The following RAB11FIP2 variants were observed in gnomAD, a reference collection of about 807,000 sequenced individuals.
RAB11FIP2 encodes RAB11 family interacting protein 2, also known as rab11 family-interacting protein 2.
In RAB11FIP2, 16 loss-of-function variants were observed where a neutral mutation model predicts 40.9. That is an observed-to-expected ratio of 0.39 (90% CI 0.26 to 0.59). RAB11FIP2 has a LOEUF of 0.59. Ranked by LOEUF, RAB11FIP2 falls within the 20% of genes least tolerant of loss-of-function variation. The pLI, the probability that RAB11FIP2 is intolerant of heterozygous loss-of-function variation, is 0.53. For missense variants in RAB11FIP2, 532 were observed against 606.2 expected, an observed-to-expected ratio of 0.88 and a Z score of 1.28; for synonymous variants, 228 against 213.7, an observed-to-expected ratio of 1.07 and a Z score of -0.58.
Position 118,020,527 on chromosome 10 carries a change from G to A in RAB11FIP2, c.1266-5417C>T, listed in dbSNP as rs143779562. On this transcript the variant is annotated intron_variant, in intron 3 of 4. Coordinates refer to ENST00000355624, the MANE Select transcript of RAB11FIP2 (RefSeq NM_014904.3). The stretch of plus-strand genomic sequence containing the variant: ...CACTGGCTTATTATGTTCTGCCACC[G>A]GGAGGCACCTCCAAGAGGATGGAGC... Among the ~76,000 whole-genome samples, 5 of 152,232 alleles carry A rather than the reference G, an allele frequency of 3.3e-5. No individual in the cohort carries two copies. The East Asian group carries it at 5.8e-4, about 18-fold the overall frequency.
intron 3 of RAB11FIP2, among the ~76,000 whole-genome samples, chr10:118,018,785 A>G (rs756236910): frequency 8.5e-5 from 13 of 152,204 alleles, no homozygotes; most frequent in Non-Finnish European, 1.5e-5. Flanking sequence ...ACTGTCCTTT[A>G]ATTTGTGCTA....
rs1846116870 is a variant in RAB11FIP2, at chr10:118,008,259, C to G, written c.*739G>C. The G allele has an allele frequency of 6.6e-6, 1 of 152,072 alleles. No homozygotes were observed. Among genetic ancestry groups the G allele is most frequent in the Non-Finnish European group, 1.5e-5 (1 of 67,978 alleles). 9.4% of individuals were successfully genotyped at this position (152,072 alleles called of 1,614,324 possible). On this transcript the variant is annotated 3_prime_UTR_variant, in exon 5 of 5. Coordinates refer to ENST00000355624, the MANE Select transcript of RAB11FIP2 (RefSeq NM_014904.3). ...CATCACTTTTGGGGAAAGAGAAAAA[C>G]TTTGATGCTAGAATAATATATAGCA... is the stretch of plus-strand genomic sequence containing the variant.
intron 3 of RAB11FIP2, among the ~76,000 whole-genome samples, chr10:118,035,464 CTTCACAGCCCACGCAAGCAGGGCTGGAA>C (rs1427069618): frequency 3.3e-5 from 5 of 152,046 alleles, no homozygotes; most frequent in Non-Finnish European, 7.4e-5. Context: ...TTAGAAAGAT[CTTCACAGCCCACGCAAGCAGGGCTGGAA>C]GTAGGAGGCT....
At chr10:118,012,927 G>A (rs925911813) in intron 4 of RAB11FIP2, among the ~76,000 whole-genome samples, 2 of 151,998 alleles carry the variant, frequency 1.3e-5, no homozygotes, top group Non-Finnish European at 2.9e-5. Context: ...TCCATATGCA[G>A]ACATAGAAGA....
chr10:118,036,761 A>G (rs1846485874), intron 3 of RAB11FIP2, among the ~76,000 whole-genome samples: 1 of 151,214 alleles, frequency 6.6e-6, no homozygotes, highest in Admixed American at 6.6e-5. Flanking sequence ...AAAAACAACT[A>G]TTTTTTTTTA....
chr10:118,035,465 T>C (rs184255729), intron 3 of RAB11FIP2, among the ~76,000 whole-genome samples: 119 of 152,252 alleles, frequency 7.8e-4, no homozygotes, highest in Non-Finnish European at 1.5e-3. Flanking sequence ...TAGAAAGATC[T>C]TCACAGCCCA....
At chr10:118,010,585 C>A (rs187044198) in intron 4 of RAB11FIP2, among the ~76,000 whole-genome samples, 2 of 152,190 alleles carry the variant, frequency 1.3e-5, no homozygotes, top group East Asian at 3.9e-4. Context: ...CAGGACTTTA[C>A]CAGACCAGAG....
intron 4 of RAB11FIP2, 102 bp downstream of exon 4, chr10:118,014,963 G>T: frequency 1.0e-6 from 1 of 952,614 alleles, no homozygotes; most frequent in Non-Finnish European, 1.6e-6. Context: ...TCTTAGGTAA[G>T]TGAGGCAGAA....
chr10:118,012,663 T>C (rs1846172727), intron 4 of RAB11FIP2, among the ~76,000 whole-genome samples: 1 of 151,948 alleles, frequency 6.6e-6, no homozygotes, highest in Non-Finnish European at 1.5e-5. Context: ...CAGGTAAATA[T>C]AAAAATTATT....
intron 1 of RAB11FIP2, 72 bp from the exon 2 acceptor site, chr10:118,040,637 A>C: frequency 9.0e-7 from 1 of 1,113,642 alleles, no homozygotes; most frequent in Admixed American, 2.8e-5. Flanking sequence ...TTACATACAA[A>C]TAGCCTTTTA....
intron 4 of RAB11FIP2, among the ~76,000 whole-genome samples, chr10:118,010,675 A>C (rs1391445463): frequency 2.0e-5 from 3 of 152,130 alleles, no homozygotes; most frequent in African/African-American, 7.2e-5. Flanking sequence ...AAGTGAAAAC[A>C]TTCAGGACTG....
intron 3 of RAB11FIP2, among the ~76,000 whole-genome samples, chr10:118,026,929 C>A (rs1846350552): frequency 6.6e-6 from 1 of 152,136 alleles, no homozygotes; most frequent in Admixed American, 6.5e-5. Flanking sequence ...TTACTTCCTG[C>A]CAAATGTAGG....
intron 4 of RAB11FIP2, among the ~76,000 whole-genome samples, chr10:118,013,082 T>G (rs1846176598): frequency 6.6e-6 from 1 of 152,118 alleles, no homozygotes; most frequent in Non-Finnish European, 1.5e-5. Context: ...CTAGGAAATG[T>G]ACATTTTTTA....
intron 3 of RAB11FIP2, chr10:118,018,243 G>A (rs1846244841): frequency 6.6e-6 from 1 of 152,196 alleles, no homozygotes; most frequent in East Asian, 1.9e-4. Context: ...GGGGAAAAAA[G>A]AGTTAACTGA....
intron 4 of RAB11FIP2, among the ~76,000 whole-genome samples, chr10:118,010,678 C>G (rs541210069): frequency 6.6e-6 from 1 of 152,154 alleles, no homozygotes; most frequent in East Asian, 1.9e-4. Context: ...TGAAAACATT[C>G]AGGACTGAAA....
intron 3 of RAB11FIP2, among the ~76,000 whole-genome samples, chr10:118,017,065 C>T (rs984464439): frequency 6.6e-6 from 1 of 152,200 alleles, no homozygotes; most frequent in Admixed American, 6.5e-5. Flanking sequence ...GGTAGTCTTA[C>T]GGCCCAGTAT....
intron 3 of RAB11FIP2, among the ~76,000 whole-genome samples, chr10:118,019,753 G>C (rs183527960): frequency 6.6e-6 from 1 of 151,924 alleles, no homozygotes; most frequent in Non-Finnish European, 1.5e-5. Context: ...ATGAACCCGG[G>C]AGGCAGAGCT....
chr10:118,022,088 C>T (rs1018075763), intron 3 of RAB11FIP2, among the ~76,000 whole-genome samples: 6 of 152,252 alleles, frequency 3.9e-5, no homozygotes, highest in East Asian at 1.9e-4. Context: ...TTTCTTCCTA[C>T]TCATACCACC....
Position 118,008,640 on chromosome 10 carries a change from A to C in RAB11FIP2, c.*358T>G. 1.0e-5 allele frequency: 2 copies of C among 197,442 alleles called. No homozygotes were observed. The highest frequency in any genetic ancestry group is 2.3e-3 in the Middle Eastern group (1 of 444). 12.2% of individuals were successfully genotyped at this position (197,442 alleles called of 1,614,324 possible). On this transcript the variant is annotated 3_prime_UTR_variant, in exon 5 of 5. Coordinates refer to ENST00000355624, the MANE Select transcript of RAB11FIP2 (RefSeq NM_014904.3). ...TGATTTCTGAGAAACCAGCCACAGG[A>C]TCAATTCTGCTTTATGAAAAATCTA...
Sources: allele counts gnomAD v4.1 joint callset (sites outside exome capture counted in the v4.1 genomes callset), GRCh38; gene constraint gnomAD v4.1.1; transcripts MANE v1.5; gene names NCBI Gene and HGNC (gene_info 2026-07-23, HGNC 2026-07-21).